ZFHX3: variants seen among roughly 807,000 people sequenced by gnomAD.
The protein encoded by ZFHX3 is zinc finger homeobox protein 3.
A neutral mutation model predicts 279.1 loss-of-function variants in ZFHX3; 42 were observed. The observed-to-expected ratio is 0.15, with a 90% CI of 0.12 to 0.19. The LOEUF (loss-of-function observed/expected upper bound fraction) is 0.19, where lower values mean the gene tolerates loss of function less well. Among genes scored for constraint, ZFHX3 ranks in the 10% least tolerant of loss-of-function variants. ZFHX3 has a pLI of 1.00. For missense variants in ZFHX3, 4,981 were observed against 4,754.0 expected (o/e 1.05, Z -1.40); for synonymous variants, 2,293 against 1,957.8 (o/e 1.17, Z -4.52).
At chr16:73,126,396 C>T (rs948299233) in intron 7 of ZFHX3, among the ~76,000 whole-genome samples, 1 of 152,058 alleles carries the variant, frequency 6.6e-6, no homozygotes, top group Non-Finnish European at 1.5e-5. Flanking sequence ...GGGCATTGCG[C>T]TGCTAGGGGA....
At chr16:73,012,277 G>C (rs1262213291) in intron 1 of ZFHX3, among the ~76,000 whole-genome samples, 2 of 152,192 alleles carry the variant, frequency 1.3e-5, no homozygotes, top group East Asian at 1.9e-4. Context: ...CTCTGTGCTG[G>C]GAAGTGCATG....
intron 2 of ZFHX3, among the ~76,000 whole-genome samples, chr16:73,460,887 C>A (rs541506353): frequency 1.3e-5 from 2 of 152,134 alleles, no homozygotes; most frequent in Non-Finnish European, 2.9e-5. Flanking sequence ...CGCCTTCCAA[C>A]GTGATTGTAA....
At chr16:73,305,280 A>G (rs1377655302) in intron 4 of ZFHX3, among the ~76,000 whole-genome samples, 1 of 152,202 alleles carries the variant, frequency 6.6e-6, no homozygotes, top group Middle Eastern at 3.4e-3. Context: ...TTACTAGGTA[A>G]TGGTGTCAGA....
At chr16:73,113,552 G>A (rs1019159854) in intron 7 of ZFHX3, among the ~76,000 whole-genome samples, 7 of 152,190 alleles carry the variant, frequency 4.6e-5, no homozygotes, top group Non-Finnish European at 8.8e-5. Flanking sequence ...AATTATGCAA[G>A]AATCCCATGG....
intron 5 of ZFHX3, among the ~76,000 whole-genome samples, chr16:73,192,842 G>A (rs969700777): frequency 1.3e-5 from 2 of 152,052 alleles, no homozygotes; most frequent in Non-Finnish European, 2.9e-5. Flanking sequence ...CCTTTTTCTT[G>A]TCTCCTTGGG....
intron 2 of ZFHX3, among the ~76,000 whole-genome samples, chr16:73,548,681 TA>T (rs2020160760): frequency 6.6e-6 from 1 of 152,084 alleles, no homozygotes; most frequent in African/African-American, 2.4e-5. Flanking sequence ...AAACATGGTA[TA>T]TACAACGTAT....
rs75927656 is a variant in ZFHX3, at chr16:73,231,015, G to C, written c.-1104+26032C>G. Among the ~76,000 whole-genome samples, 1,597 of 152,246 alleles carry C rather than the reference G, an allele frequency of 0.01. 129 individuals carry two copies. The East Asian group carries it at 0.22, about 21-fold the overall frequency. On this transcript the variant is annotated intron_variant, in intron 5 of 17. Coordinates refer to the ZFHX3 transcript ENST00000641206. ...AGACAGATAGGGCAATGGGAGAAAG[G>C]GTGATGTGAGCCCAGAGAGATTGTA... is the stretch of plus-strand genomic sequence containing the variant.
intron 2 of ZFHX3, among the ~76,000 whole-genome samples, chr16:73,646,622 T>C (rs1299597732): frequency 6.6e-6 from 1 of 152,226 alleles, no homozygotes; most frequent in Non-Finnish European, 1.5e-5. Flanking sequence ...CACTTATCTG[T>C]TCATATGCAG....
chr16:73,626,098 C>T lies in ZFHX3; in HGVS notation c.-1547+54082G>A, dbSNP rs192257571. 4.1e-3 allele frequency among the ~76,000 whole-genome samples: 619 copies of T among 152,224 alleles called. 6 individuals are homozygous for T. Among genetic ancestry groups the T allele is most frequent in the African/African-American group, 0.014 (579 of 41,546 alleles). Reference sequence around the variant, plus strand: ...GTCTCGATCTCCTGACCTCGTGATCCGCCCGCCTCGGCCTCCCAAAGTGCT... The same window carrying T: ...GTCTCGATCTCCTGACCTCGTGATCTGCCCGCCTCGGCCTCCCAAAGTGCT... On this transcript the variant is annotated intron_variant, in intron 2 of 17. Coordinates refer to the ZFHX3 transcript ENST00000641206.
chr16:73,831,681 G>A (rs328366), intron 1 of ZFHX3, among the ~76,000 whole-genome samples: 1 of 151,926 alleles, frequency 6.6e-6, no homozygotes, highest in South Asian at 2.1e-4. Context: ...GTAGAACTCT[G>A]CCACCAAGAA....
intron 4 of ZFHX3, among the ~76,000 whole-genome samples, chr16:73,315,519 G>C (rs748220762): frequency 3.3e-5 from 5 of 151,916 alleles, no homozygotes; most frequent in Non-Finnish European, 5.9e-5. Context: ...TCCTCCTCTG[G>C]AGGCTTATCT....
At chr16:73,324,830 G>C (rs1044521240) in intron 3 of ZFHX3, among the ~76,000 whole-genome samples, 1 of 152,154 alleles carries the variant, frequency 6.6e-6, no homozygotes, top group Non-Finnish European at 1.5e-5. Context: ...CCTGGGTGTG[G>C]AGCACAGACC....
intron 5 of ZFHX3, among the ~76,000 whole-genome samples, chr16:73,214,523 C>A (rs367800207): frequency 2.0e-5 from 3 of 152,232 alleles, no homozygotes; most frequent in African/African-American, 4.8e-5. Context: ...AGATATAGAC[C>A]AGGATGCTCT....
intron 2 of ZFHX3, among the ~76,000 whole-genome samples, chr16:73,512,272 CAAAAAAAAAAAA>C (rs3087038): frequency 2.4e-4 from 21 of 87,842 alleles, no homozygotes; most frequent in East Asian, 1.3e-3. Flanking sequence ...CACTAAAATA[CAAAAAAAAAAAA>C]AAAAAAAAAA....
chr16:73,191,567 C>CA (rs1171693707), intron 5 of ZFHX3, among the ~76,000 whole-genome samples: 1 of 151,914 alleles, frequency 6.6e-6, no homozygotes, highest in African/African-American at 2.4e-5. Context: ...TGCAGAAAAA[C>CA]AAAAAACCAA....
chr16:73,346,710 G>C (rs1042614225), intron 3 of ZFHX3, among the ~76,000 whole-genome samples: 13 of 152,110 alleles, frequency 8.5e-5, no homozygotes, highest in African/African-American at 3.1e-4. Flanking sequence ...AACCTCAACT[G>C]ATCTGCCCAC....
intron 2 of ZFHX3, among the ~76,000 whole-genome samples, chr16:73,485,126 A>G (rs1370370773): frequency 6.6e-6 from 1 of 152,206 alleles, no homozygotes; most frequent in Non-Finnish European, 1.5e-5. Context: ...AGGACTGAAA[A>G]TAGATCAGGT....
intron 1 of ZFHX3, among the ~76,000 whole-genome samples, chr16:73,870,906 A>G (rs1394871148): frequency 3.3e-5 from 5 of 152,060 alleles, no homozygotes; most frequent in African/African-American, 4.8e-5. Context: ...AAAACCAACA[A>G]TGACTCAATG....
intron 8 of ZFHX3, chr16:73,092,975 C>T (rs1200581563): frequency 1.9e-6 from 1 of 520,048 alleles, no homozygotes; most frequent in South Asian, 1.4e-5. Context: ...CTCTGTGTGC[C>T]CTTCCTGGAG....
Sources: allele counts gnomAD v4.1 joint callset (sites outside exome capture counted in the v4.1 genomes callset), GRCh38; gene constraint gnomAD v4.1.1; transcripts MANE v1.5; gene names NCBI Gene and HGNC (gene_info 2026-07-23, HGNC 2026-07-21).